The following SMYD1 variants were observed in gnomAD, a reference collection of about 807,000 sequenced individuals.
The protein encoded by SMYD1 is SET and MYND domain containing 1.
SMYD1 carries 49 observed loss-of-function variants against 54.0 expected under a neutral mutation model. That is an observed-to-expected ratio of 0.91 (90% CI 0.72 to 1.15). The LOEUF (loss-of-function observed/expected upper bound fraction) is 1.15, where lower values mean the gene tolerates loss of function less well. Ranked by LOEUF, SMYD1 falls within the 50% of genes most tolerant of loss-of-function variation. The pLI, the probability that SMYD1 is intolerant of heterozygous loss-of-function variation, is 0.00. For synonymous variants in SMYD1, 269 were observed against 234.2 expected, an observed-to-expected ratio of 1.15 and a Z score of -1.36; for missense variants, 653 against 639.6, an observed-to-expected ratio of 1.02 and a Z score of -0.23.
chr2:88,070,968 CA>C (rs1414816089), intron 1 of SMYD1, among the ~76,000 whole-genome samples: 1 of 92,078 alleles, frequency 1.1e-5, no homozygotes, highest in Non-Finnish European at 2.4e-5. Context: ...AAAAAAAAAA[CA>C]GTAATAGTTT....
chr2:88,105,378 T>C (rs77592759), intron 7 of SMYD1, among the ~76,000 whole-genome samples: 4,511 of 150,870 alleles, frequency 0.03, 241 homozygotes, highest in African/African-American at 0.1. Flanking sequence ...CATGCATATA[T>C]ACACACACAC....
chr2:88,079,146 G>T (rs1366645407), intron 1 of SMYD1, among the ~76,000 whole-genome samples: 1 of 152,182 alleles, frequency 6.6e-6, no homozygotes, highest in African/African-American at 2.4e-5. Context: ...TTGATAAAAT[G>T]ATTATATAAG....
intron 2 of SMYD1, 43 bp from the exon 3 acceptor site, chr2:88,087,819 T>A (rs1674368023): frequency 6.8e-7 from 1 of 1,472,888 alleles, no homozygotes; most frequent in Admixed American, 2.4e-5. Flanking sequence ...GTTGAAGGAA[T>A]GAATGCAGCT....
At chr2:88,096,088 T>C (rs1319800901) in intron 5 of SMYD1, among the ~76,000 whole-genome samples, 3 of 152,200 alleles carry the variant, frequency 2.0e-5, no homozygotes, top group Non-Finnish European at 2.9e-5. Flanking sequence ...GCCTGAACCA[T>C]TGGACTGAAG....
chr2:88,100,626 C>T (rs1373730981), intron 6 of SMYD1, among the ~76,000 whole-genome samples: 4 of 152,180 alleles, frequency 2.6e-5, no homozygotes, highest in Admixed American at 1.3e-4. Flanking sequence ...CCAGGCAAGA[C>T]ATGGGCTTAA....
intron 3 of SMYD1, among the ~76,000 whole-genome samples, chr2:88,090,618 A>G (rs1573111868): frequency 6.8e-6 from 1 of 147,202 alleles, no homozygotes; most frequent in South Asian, 2.1e-4. Context: ...CAGAGGAAAC[A>G]GGGGAAGGAA....
intron 8 of SMYD1, 86 bp downstream of exon 8, chr2:88,106,574 C>A: frequency 7.0e-7 from 1 of 1,437,260 alleles, no homozygotes; most frequent in Non-Finnish European, 9.6e-7. Flanking sequence ...TTACTGGTGC[C>A]TCTCCCTCCT....
At chr2:88,108,079 T>C (rs1485200421) in intron 8 of SMYD1, among the ~76,000 whole-genome samples, 1 of 152,238 alleles carries the variant, frequency 6.6e-6, no homozygotes, top group South Asian at 2.1e-4. Flanking sequence ...TCGGCCATCT[T>C]GGCTAGAGTC....
At position 88,092,810 on chromosome 2, in the gene SMYD1, G is replaced by C. The variant is rs537210677; in HGVS notation, c.660-707G>C. On this transcript the variant is annotated intron_variant, in intron 4 of 9. Transcript: ENST00000419482. The stretch of plus-strand genomic sequence containing the variant: ...ATGTATGGGCCTGGGCCTTCTAGAT[G>C]GCCCTCTTCTAAGTGGTGGTGACCC... Among the ~76,000 whole-genome samples, 35 of 152,324 alleles carry C rather than the reference G, an allele frequency of 2.3e-4. No homozygotes were observed. In the East Asian group the frequency reaches 6.8e-3, roughly 29 times the overall value.
intron 4 of SMYD1, among the ~76,000 whole-genome samples, chr2:88,091,582 T>G (rs1674463160): frequency 6.6e-6 from 1 of 152,148 alleles, no homozygotes; most frequent in South Asian, 2.1e-4. Context: ...TGGTGGCTCA[T>G]GCCTGTAATC....
Position 88,110,754 on chromosome 2 carries a change from C to T in SMYD1, c.*242C>T, listed in dbSNP as rs143286563. 529 of 446,922 alleles carry T rather than the reference C, an allele frequency of 1.2e-3. 4 individuals carry two copies. The highest frequency in any genetic ancestry group is 9.1e-3 in the African/African-American group (454 of 49,968). 27.7% of individuals were successfully genotyped at this position (446,922 alleles called of 1,614,324 possible). Reference sequence around the variant, plus strand: ...TACAAATATTATTGGATGATAGGCCCTAGAACCCAATAAAGGAGCTCCAAA... The same window carrying T: ...TACAAATATTATTGGATGATAGGCCTTAGAACCCAATAAAGGAGCTCCAAA... On this transcript the variant is annotated 3_prime_UTR_variant, in exon 10 of 10. Coordinates refer to ENST00000419482, the MANE Select transcript of SMYD1 (RefSeq NM_198274.4).
At chr2:88,068,639 G>A (rs1171167316) in intron 1 of SMYD1, among the ~76,000 whole-genome samples, 1 of 147,202 alleles carries the variant, frequency 6.8e-6, no homozygotes, top group African/African-American at 2.5e-5. Flanking sequence ...CAGAAATGGT[G>A]TCATACTTCA....
In SMYD1 at chr2:88,087,972, A is replaced by C. The variant is rs1674375174; in HGVS notation, c.425A>C (p.Glu142Ala). 1 of 1,614,112 alleles carries C rather than the reference A, an allele frequency of 6.2e-7. No homozygotes were observed. The highest frequency in any genetic ancestry group is 1.3e-5 in the African/African-American group (1 of 75,020). ...LQNHVEHFGEEEQKDLRVDVD... is the reference protein window; with the variant it reads ...LQNHVEHFGEAEQKDLRVDVD... ...AACCACGTGGAGCACTTTGGGGAGG[A>C]GGAGCAGAAGGACCTGCGGGTGGAC... The change falls in exon 3 of 10, where the codon GAG (glutamate) becomes GCG (alanine). Residue 142 changes from glutamate (E) to alanine (A), a missense_variant. Physicochemically the swap from Glu to Ala is moderately radical, Grantham distance 107. Transcript: ENST00000419482.
intron 5 of SMYD1, among the ~76,000 whole-genome samples, chr2:88,096,087 A>G (rs1674579331): frequency 6.6e-6 from 1 of 152,210 alleles, no homozygotes; most frequent in African/African-American, 2.4e-5. Flanking sequence ...GGCCTGAACC[A>G]TTGGACTGAA....
chr2:88,082,703 C>A (rs1176948166), intron 1 of SMYD1: 1 of 154,368 alleles, frequency 6.5e-6, no homozygotes, highest in Non-Finnish European at 1.5e-5. Flanking sequence ...ATTCTAGAAA[C>A]CATGTACAAA....
chr2:88,091,164 G>T (rs760886574), intron 4 of SMYD1, 22 bp downstream of exon 4: 1 of 1,610,202 alleles, frequency 6.2e-7, no homozygotes. Context: ...TTTATGTGGG[G>T]GTGTGTGTGA....
At chr2:88,082,069 C>G (rs966666091) in intron 1 of SMYD1, among the ~76,000 whole-genome samples, 1 of 152,008 alleles carries the variant, frequency 6.6e-6, no homozygotes, top group African/African-American at 2.4e-5. Flanking sequence ...ACTAAGTGGC[C>G]GGAGTTCCAT....
intron 3 of SMYD1, among the ~76,000 whole-genome samples, chr2:88,090,384 T>G (rs1319301425): frequency 3.3e-5 from 5 of 152,234 alleles, no homozygotes. Flanking sequence ...TGTCTGTTTC[T>G]GTAAAGAAAA....
intron 6 of SMYD1, among the ~76,000 whole-genome samples, chr2:88,098,230 G>T (rs1307857459): frequency 1.3e-5 from 2 of 152,102 alleles, no homozygotes; most frequent in East Asian, 3.8e-4. Context: ...TTATTAAGAG[G>T]CCAGACCCTC....
Sources: allele counts gnomAD v4.1 joint callset (sites outside exome capture counted in the v4.1 genomes callset), GRCh38; gene constraint gnomAD v4.1.1; transcripts MANE v1.5; gene names NCBI Gene and HGNC (gene_info 2026-07-23, HGNC 2026-07-21).